The following EPB41L4A variants were observed in gnomAD, a reference collection of about 807,000 sequenced individuals.
EPB41L4A encodes the protein erythrocyte membrane protein band 4.1 like 4A.
In EPB41L4A, 100 loss-of-function variants were observed where a neutral mutation model predicts 108.6. That is an observed-to-expected ratio of 0.92 (90% CI 0.78 to 1.09). The LOEUF (loss-of-function observed/expected upper bound fraction) is 1.09. Ranked by LOEUF, EPB41L4A falls within the 50% of genes least tolerant of loss-of-function variation. The pLI is 0.00. For synonymous variants in EPB41L4A, 319 were observed against 289.0 expected (o/e 1.10, Z -1.05); for missense variants, 1,030 against 842.7 (o/e 1.22, Z -2.75).
At chr5:112,333,403 C>T (rs1756703111) in intron 1 of EPB41L4A, among the ~76,000 whole-genome samples, 1 of 152,208 alleles carries the variant, frequency 6.6e-6, no homozygotes, top group African/African-American at 2.4e-5. Context: ...CCGCAGGAAG[C>T]TGCAGCCAGT....
chr5:112,346,458 G>A (rs989072842), intron 1 of EPB41L4A, among the ~76,000 whole-genome samples: 1 of 151,962 alleles, frequency 6.6e-6, no homozygotes, highest in Non-Finnish European at 1.5e-5. Context: ...TCCTGACTTT[G>A]TGATCCACCC....
At chr5:112,165,213 A>T (rs879645698) in intron 22 of EPB41L4A, 95 bp from the exon 23 acceptor site, 74 of 927,438 alleles carry the variant, frequency 8.0e-5, no homozygotes, top group Non-Finnish European at 1.1e-4. Flanking sequence ...CTTAAATTTA[A>T]GATACTGAGT....
chr5:112,256,318 C>T (rs1751086468), intron 9 of EPB41L4A, among the ~76,000 whole-genome samples: 1 of 152,078 alleles, frequency 6.6e-6, no homozygotes, highest in South Asian at 2.1e-4. Context: ...TCAAGGATGC[C>T]TTATACTGCT....
rs377520437 is a variant in EPB41L4A at position 112,272,538 on chromosome 5, G to C, written c.335+2788C>G. ...TAAAAAGACCGGGTTACAGCACTTTGGGAGGCCAAGGCAGGTGGATCACCT... is the reference window on the plus strand; with the variant it reads ...TAAAAAGACCGGGTTACAGCACTTTCGGAGGCCAAGGCAGGTGGATCACCT... On this transcript the variant is annotated intron_variant, in intron 4 of 22. Transcript: ENST00000261486. Among the ~76,000 whole-genome samples, 26 of 151,966 alleles carry C rather than the reference G, an allele frequency of 1.7e-4. 1 individual carries two copies. In the East Asian group the frequency reaches 2.0e-3, roughly 11 times the overall value.
At chr5:112,415,402 T>C (rs186358042) in intron 1 of EPB41L4A, among the ~76,000 whole-genome samples, 8 of 152,276 alleles carry the variant, frequency 5.3e-5, no homozygotes, top group East Asian at 1.9e-4. Flanking sequence ...TCAATACTCA[T>C]AGGGAAAAAT....
chr5:112,371,731 C>A (rs934107110), intron 1 of EPB41L4A, among the ~76,000 whole-genome samples: 5 of 152,064 alleles, frequency 3.3e-5, no homozygotes, highest in African/African-American at 1.2e-4. Context: ...TGTTTATTTA[C>A]CAGCTGGGAG....
chr5:112,397,144 T>C (rs938469784), intron 1 of EPB41L4A, among the ~76,000 whole-genome samples: 1 of 152,196 alleles, frequency 6.6e-6, no homozygotes, highest in Non-Finnish European at 1.5e-5. Flanking sequence ...TATGACTATA[T>C]GTACCCATTG....
rs529359045 is a variant in EPB41L4A at position 112,321,492 on chromosome 5, T to C, written c.100-14002A>G. ...TACTGCTTTATTTGATGGAAAAACA[T>C]ACTGCATTATTATGTACATTATTTG... On this transcript the variant is annotated intron_variant, in intron 1 of 22. Transcript: ENST00000261486. Among the ~76,000 whole-genome samples, 5 of 152,302 alleles carry C rather than the reference T, an allele frequency of 3.3e-5. No homozygotes were observed. The South Asian group carries it at 8.3e-4, about 25-fold the overall frequency.
At chr5:112,215,034 C>G (rs1320790672) in intron 12 of EPB41L4A, among the ~76,000 whole-genome samples, 1 of 152,180 alleles carries the variant, frequency 6.6e-6, no homozygotes, top group Non-Finnish European at 1.5e-5. Flanking sequence ...GCTGCCAGAA[C>G]AGTGCACCAC....
At chr5:112,220,729 CT>C (rs1488794081) in intron 12 of EPB41L4A, among the ~76,000 whole-genome samples, 1 of 152,148 alleles carries the variant, frequency 6.6e-6, no homozygotes, top group Non-Finnish European at 1.5e-5. Context: ...TCTCCCAACC[CT>C]CTGTCATTTT....
intron 17 of EPB41L4A, among the ~76,000 whole-genome samples, chr5:112,192,889 G>A (rs1761774053): frequency 6.6e-6 from 1 of 152,128 alleles, no homozygotes; most frequent in South Asian, 2.1e-4. Context: ...TTAAAATACT[G>A]GCTTGATCAA....
At chr5:112,281,954 T>TA (rs1412731139) in intron 2 of EPB41L4A, among the ~76,000 whole-genome samples, 17 of 151,690 alleles carry the variant, frequency 1.1e-4, no homozygotes, top group Admixed American at 3.3e-4. Context: ...GACTTTTTTT[T>TA]AAAAAAAAGT....
Position 112,171,009 on chromosome 5 carries a change from C to T in EPB41L4A, c.1623-17G>A, listed in dbSNP as rs752635646. 6.2e-7 allele frequency: 1 copy of T among 1,607,816 alleles called. No individual in the cohort carries two copies. The highest frequency in any genetic ancestry group is 8.5e-7 in the Non-Finnish European group (1 of 1,174,534). On this transcript the variant is annotated splice_polypyrimidine_tract_variant and intron_variant, in intron 18 of 22. Transcript: ENST00000261486. ...GGGCTTCTCCTATAAATAGAGAAAA[C>T]AACATTCATCTCTGCAAACATGCTT...
At chr5:112,355,367 A>G (rs981736949) in intron 1 of EPB41L4A, among the ~76,000 whole-genome samples, 7 of 152,228 alleles carry the variant, frequency 4.6e-5, no homozygotes, top group Non-Finnish European at 1.0e-4. Context: ...TAAATTAAGT[A>G]TGAAATTTCT....
At chr5:112,239,105 A>C (rs1432894946) in intron 11 of EPB41L4A, among the ~76,000 whole-genome samples, 1 of 152,208 alleles carries the variant, frequency 6.6e-6, no homozygotes, top group Admixed American at 6.5e-5. Flanking sequence ...TCATACATTA[A>C]TGGGGCTAAT....
intron 9 of EPB41L4A, among the ~76,000 whole-genome samples, chr5:112,251,424 T>G (rs912216173): frequency 8.5e-5 from 13 of 152,180 alleles, no homozygotes; most frequent in African/African-American, 2.7e-4. Flanking sequence ...GGTACACACA[T>G]TCAATACAGT....
chr5:112,180,904 C>T (rs1761113654), intron 18 of EPB41L4A, among the ~76,000 whole-genome samples: 1 of 152,068 alleles, frequency 6.6e-6, no homozygotes, highest in African/African-American at 2.4e-5. Context: ...AAAATTTGAA[C>T]ACTTTAAAAA....
intron 12 of EPB41L4A, among the ~76,000 whole-genome samples, chr5:112,233,389 A>G (rs1400113950): frequency 6.6e-6 from 1 of 152,210 alleles, no homozygotes; most frequent in Non-Finnish European, 1.5e-5. Context: ...TGCAGGCTAG[A>G]TTAAACTTTG....
rs534936012 is a variant in EPB41L4A, at chr5:112,359,793, G to A, written c.100-52303C>T. 2.0e-5 allele frequency among the ~76,000 whole-genome samples: 3 copies of A among 152,286 alleles called. No individual in the cohort carries two copies. In the East Asian group the frequency reaches 5.8e-4, roughly 29 times the overall value. ...CTGACCTCGTGATCCACCCGCCTTG[G>A]CCTCCCAAAGTGCTGGGATTACAGG... On this transcript the variant is annotated intron_variant, in intron 1 of 22. Transcript: ENST00000261486.
Sources: gnomAD v4.1 joint callset for allele counts (sites outside exome capture counted in the v4.1 genomes callset) on GRCh38, gnomAD v4.1.1 for gene constraint, MANE v1.5 for transcripts, NCBI Gene and HGNC (gene_info 2026-07-23, HGNC 2026-07-21) for gene names.